The following SNAP29 variants were observed in gnomAD, a reference collection of about 807,000 sequenced individuals.
SNAP29 encodes synaptosome associated protein 29.
In SNAP29, 13 loss-of-function variants were observed where a neutral mutation model predicts 27.9. The ratio of observed to expected loss-of-function variants is 0.47; its 90% CI spans 0.30 to 0.74. The LOEUF (loss-of-function observed/expected upper bound fraction) is 0.74, where lower values mean the gene tolerates loss of function less well. Ranked by LOEUF, SNAP29 falls within the 30% of genes least tolerant of loss-of-function variation. SNAP29 has a pLI of 0.06. For synonymous variants in SNAP29, 119 were observed against 127.1 expected (o/e 0.94, Z 0.43); for missense variants, 368 against 336.5 (o/e 1.09, Z -0.73).
rs1199715105 is a variant in SNAP29 at position 20,889,849 on chromosome 22, T to G, written c.*2013T>G. Reference sequence around the variant, plus strand: ...TCCACTTGCCTAATGAGATTAGTGATTCAACTGACTTGAAGCACAGTAACA... The same window carrying G: ...TCCACTTGCCTAATGAGATTAGTGAGTCAACTGACTTGAAGCACAGTAACA... On this transcript the variant is annotated 3_prime_UTR_variant, in exon 5 of 5. Transcript: ENST00000215730. 6.4e-6 allele frequency: 1 copy of G among 157,154 alleles called. No individual in the cohort carries two copies. Among genetic ancestry groups the G allele is most frequent in the Non-Finnish European group, 1.4e-5 (1 of 71,482 alleles). 9.7% of individuals were successfully genotyped at this position (157,154 alleles called of 1,614,324 possible).
intron 2 of SNAP29, among the ~76,000 whole-genome samples, chr22:20,872,009 C>T (rs1041160362): frequency 2.0e-5 from 3 of 152,194 alleles, no homozygotes; most frequent in Admixed American, 2.0e-4. Flanking sequence ...GTTTTTATTA[C>T]AAAAACAACA....
At chr22:20,878,435 G>A (rs972191740) in intron 2 of SNAP29, among the ~76,000 whole-genome samples, 11 of 152,082 alleles carry the variant, frequency 7.2e-5, no homozygotes, top group African/African-American at 2.7e-4. Context: ...AAAATTAGCC[G>A]GGCGTGGTGG....
In SNAP29 at chr22:20,870,494, C is replaced by G. The variant is rs1451213175; in HGVS notation, c.395C>G (p.Pro132Arg). 2 of 1,614,042 alleles carry G rather than the reference C, an allele frequency of 1.2e-6. No homozygotes were observed. The highest frequency in any genetic ancestry group is 1.7e-6 in the Non-Finnish European group (2 of 1,180,032). The change falls in exon 2 of 5, where the codon CCT becomes CGT. Residue 132 changes from proline (P) to arginine (R), a missense_variant. Coordinates refer to ENST00000215730, the MANE Select transcript of SNAP29 (RefSeq NM_004782.4). ...AAATCCAAACCAGTAGAGACCCCAC[C>G]TGAACAGAATGGCACCCTCACCTCC... The part of the protein sequence containing the change: ...YFKSKPVETP[P>R]EQNGTLTSQP...
At chr22:20,864,822 G>A (rs904121374) in intron 1 of SNAP29, among the ~76,000 whole-genome samples, 1 of 152,186 alleles carries the variant, frequency 6.6e-6, no homozygotes, top group Admixed American at 6.5e-5. Flanking sequence ...GAAGGAGGGA[G>A]GGAACAGAAG....
chr22:20,869,522 A>G (rs1276996434), intron 1 of SNAP29, among the ~76,000 whole-genome samples: 1 of 152,232 alleles, frequency 6.6e-6, no homozygotes, highest in Non-Finnish European at 1.5e-5. Context: ...AGAGTCAGAC[A>G]CTAATAGGGC....
rs975086898 is a variant in SNAP29, at chr22:20,883,439, A to G, written c.521-32A>G. ...GCAGCATTTGAAGGAATGTCAATTAACCGCTCTCCTGGTGTTTCCTTCTAA... is the reference window on the plus strand; with the variant it reads ...GCAGCATTTGAAGGAATGTCAATTAGCCGCTCTCCTGGTGTTTCCTTCTAA... On this transcript the variant is annotated intron_variant, in intron 3 of 4. Coordinates refer to ENST00000215730, the MANE Select transcript of SNAP29 (RefSeq NM_004782.4). The G allele has an allele frequency of 5.9e-6, 8 of 1,354,100 alleles. No homozygotes were observed. The African/African-American group carries it at 1.1e-4, about 19-fold the overall frequency. The allele number at this position is 1,354,100 out of a possible 1,614,324, so 83.9% of individuals were successfully genotyped here.
intron 1 of SNAP29, among the ~76,000 whole-genome samples, chr22:20,866,250 C>T (rs889608154): frequency 3.3e-5 from 5 of 152,158 alleles, no homozygotes; most frequent in Admixed American, 6.6e-5. Flanking sequence ...CCCTAAGACC[C>T]GATTTGTCTC....
rs749633059 is a variant in SNAP29 at position 20,859,195 on chromosome 22, C to G, written c.85C>G (p.Arg29Gly). 3.1e-6 allele frequency: 5 copies of G among 1,602,420 alleles called. No individual in the cohort carries two copies. Among genetic ancestry groups the G allele is most frequent in the East Asian group, 2.2e-5 (1 of 44,556 alleles). ...CCGGCCGGCCCCTTGGAGGGACGCCCGAGACCTCCCCGACGGGCCCGACGC... is the reference window on the plus strand; with the variant it reads ...CCGGCCGGCCCCTTGGAGGGACGCCGGAGACCTCCCCGACGGGCCCGACGC... ...GARPAPWRDA[R>G]DLPDGPDAPA... The change falls in exon 1 of 5, where the codon CGA becomes GGA. Residue 29 changes from arginine to glycine, a missense_variant. Transcript: ENST00000215730.
intron 1 of SNAP29, 85 bp downstream of exon 1, chr22:20,859,432 G>C: frequency 9.5e-7 from 1 of 1,051,834 alleles, no homozygotes. Context: ...ACAATCTTTT[G>C]AGAATTCTCA....
At position 20,870,343 on chromosome 22, in the gene SNAP29, G is replaced by A. The variant is rs146502130; in HGVS notation, c.244G>A (p.Ala82Thr). The A allele has an allele frequency of 1.5e-5, 25 of 1,613,992 alleles. No homozygotes were observed. Among genetic ancestry groups the A allele is most frequent in the African/African-American group, 1.5e-4 (11 of 74,900 alleles). Residue 82 changes from alanine (A) to threonine (T), a missense_variant, in exon 2 of 5, where the codon GCC becomes ACC. Transcript: ENST00000215730. The part of the protein sequence containing the change: ...KVGVASSEEL[A>T]RQRGVLERTE... Reference sequence around the variant, plus strand: ...TGCCTCTCGGTTTCCCCAGGAGCTCGCCCGTCAGCGAGGAGTCCTGGAGCG... The same window carrying A: ...TGCCTCTCGGTTTCCCCAGGAGCTCACCCGTCAGCGAGGAGTCCTGGAGCG...
intron 4 of SNAP29, 130 bp downstream of exon 4, chr22:20,883,699 G>C: frequency 2.8e-6 from 2 of 723,110 alleles, no homozygotes; most frequent in Non-Finnish European, 5.1e-6. Flanking sequence ...CGCCAAGCTG[G>C]GTCCATCTTG....
rs182089469 is a variant in SNAP29, at chr22:20,872,321, A to C, written c.434+1788A>C. Among the ~76,000 whole-genome samples, 333 of 151,978 alleles carry C rather than the reference A, an allele frequency of 2.2e-3. 3 individuals carry two copies. The highest frequency in any genetic ancestry group is 3.2e-3 in the Non-Finnish European group (216 of 67,950). On this transcript the variant is annotated intron_variant, in intron 2 of 4. Transcript: ENST00000215730. ...AAAGACGTGATCTCAGCTCACTGCAACCTCTGCCTTCCAGGTTAAAGCGAT... is the reference window on the plus strand; with the variant it reads ...AAAGACGTGATCTCAGCTCACTGCACCCTCTGCCTTCCAGGTTAAAGCGAT...
In SNAP29 at chr22:20,890,496, G is replaced by C; in HGVS notation, c.*2660G>C. On this transcript the variant is annotated 3_prime_UTR_variant, in exon 5 of 5. Transcript: ENST00000215730. ...ATAGTGGCTGGGCGCGGTGGCTCAT[G>C]CCTGTAATCCCAGTGCTTTGGGAGG... is the stretch of plus-strand genomic sequence containing the variant. 5.1e-6 allele frequency: 2 copies of C among 392,192 alleles called. No individual in the cohort carries two copies. The allele number at this position is 392,192 out of a possible 1,614,324, so 24.3% of individuals were successfully genotyped here.
At chr22:20,867,305 A>G (rs931622483) in intron 1 of SNAP29, among the ~76,000 whole-genome samples, 7 of 151,690 alleles carry the variant, frequency 4.6e-5, no homozygotes, top group African/African-American at 1.7e-4. Flanking sequence ...TCCCACGGGA[A>G]GTTGGAGAAG....
At chr22:20,886,699 C>T (rs1929023271) in intron 4 of SNAP29, among the ~76,000 whole-genome samples, 1 of 151,934 alleles carries the variant, frequency 6.6e-6, no homozygotes. Context: ...GCAACCTCCT[C>T]CTCTCAGGTT....
intron 2 of SNAP29, among the ~76,000 whole-genome samples, chr22:20,871,318 TAA>T (rs58734687): frequency 6.9e-5 from 9 of 130,462 alleles, no homozygotes; most frequent in Admixed American, 1.5e-4. Flanking sequence ...CTATAAAAAC[TAA>T]AAAAAAAAAA....
intron 2 of SNAP29, among the ~76,000 whole-genome samples, chr22:20,874,876 G>T (rs1011709592): frequency 1.3e-5 from 2 of 152,054 alleles, no homozygotes; most frequent in African/African-American, 4.8e-5. Flanking sequence ...GAGAAGGTAG[G>T]ATGTTCATTT....
intron 2 of SNAP29, among the ~76,000 whole-genome samples, chr22:20,876,713 A>G (rs1053100892): frequency 2.6e-5 from 4 of 151,686 alleles, no homozygotes; most frequent in Admixed American, 2.6e-4. Flanking sequence ...GACTACAGGC[A>G]CCCGCCACCA....
chr22:20,888,180 T>C lies in SNAP29; in HGVS notation c.*344T>C. The C allele has an allele frequency of 2.8e-6, 1 of 352,258 alleles. No individual in the cohort carries two copies. The highest frequency in any genetic ancestry group is 2.3e-5 in the South Asian group (1 of 43,336). 21.8% of individuals were successfully genotyped at this position (352,258 alleles called of 1,614,324 possible). A position where few individuals can be genotyped will look rare whatever the true frequency, so the allele number is the denominator to read the frequency against. ...CATATGGAAAGATGGGAACAGAATT[T>C]CAGTCTTGCAGCCATGAGCCTCTAT... is the stretch of plus-strand genomic sequence containing the variant. On this transcript the variant is annotated 3_prime_UTR_variant, in exon 5 of 5. Transcript: ENST00000215730.
Sources: allele counts gnomAD v4.1 joint callset (sites outside exome capture counted in the v4.1 genomes callset), GRCh38; gene constraint gnomAD v4.1.1; transcripts MANE v1.5; gene names NCBI Gene and HGNC (gene_info 2026-07-23, HGNC 2026-07-21).